The following LRMDA variants were observed in gnomAD, a reference collection of about 807,000 sequenced individuals.
LRMDA encodes the protein leucine-rich melanocyte differentiation-associated protein.
In LRMDA, 18 loss-of-function variants were observed where a neutral mutation model predicts 29.8. The observed-to-expected ratio is 0.60, with a 90% CI of 0.42 to 0.90. The LOEUF (loss-of-function observed/expected upper bound fraction) is 0.90, where lower values mean the gene tolerates loss of function less well. LRMDA is among the 40% of genes least tolerant of loss of function. The pLI is 0.00. For missense variants in LRMDA, 273 were observed against 273.9 expected, an observed-to-expected ratio of 1.00 and a Z score of 0.02; for synonymous variants, 125 against 109.4, an observed-to-expected ratio of 1.14 and a Z score of -0.89.
intron 5 of LRMDA, among the ~76,000 whole-genome samples, chr10:76,205,728 CAG>C (rs1203781829): frequency 1.3e-5 from 2 of 152,114 alleles, no homozygotes; most frequent in African/African-American, 2.4e-5. Flanking sequence ...CTCTAGATGG[CAG>C]AGAGTGGTGT....
intron 5 of LRMDA, among the ~76,000 whole-genome samples, chr10:76,095,430 T>C (rs1849298099): frequency 6.6e-6 from 1 of 152,232 alleles, no homozygotes; most frequent in Non-Finnish European, 1.5e-5. Flanking sequence ...AAGCTGCTAT[T>C]AACATTTGCA....
chr10:75,921,860 G>T (rs565613499), intron 2 of LRMDA, among the ~76,000 whole-genome samples: 1 of 152,150 alleles, frequency 6.6e-6, no homozygotes, highest in Admixed American at 6.5e-5. Context: ...ATCCTTCCTG[G>T]CATTTAATAT....
chr10:76,047,256 C>A lies in LRMDA; in HGVS notation c.351C>A (p.Asn117Lys), dbSNP rs878854351. ...LSLLGNVACP[N>K]ELVSLEKDEE... ...TGCTGGGCAACGTGGCCTGTCCCAA[C>A]GAGCTGGTCAGCTTGGAAAAGGATG... is the stretch of plus-strand genomic sequence containing the variant. Residue 117 changes from asparagine to lysine, a missense_variant, in exon 4 of 7, where the codon AAC becomes AAA. By Grantham distance (94) the Asn-to-Lys change is moderately conservative (BLOSUM62 0). Transcript: ENST00000611255. 1 of 1,613,898 alleles carries A rather than the reference C, an allele frequency of 6.2e-7. No homozygotes were observed. The highest frequency in any genetic ancestry group is 1.3e-5 in the African/African-American group (1 of 74,998).
chr10:76,192,880 G>A (rs1199510524), intron 5 of LRMDA, among the ~76,000 whole-genome samples: 2 of 152,164 alleles, frequency 1.3e-5, no homozygotes, highest in African/African-American at 4.8e-5. Context: ...GTGTTGTGAA[G>A]TTAAATTGAA....
intron 2 of LRMDA, among the ~76,000 whole-genome samples, chr10:75,725,619 C>T (rs1413842643): frequency 6.6e-6 from 1 of 152,184 alleles, no homozygotes; most frequent in African/African-American, 2.4e-5. Flanking sequence ...AGGTCTCACA[C>T]CTGCTGCTTT....
intron 2 of LRMDA, among the ~76,000 whole-genome samples, chr10:75,867,502 C>T (rs952620020): frequency 3.9e-5 from 6 of 152,092 alleles, no homozygotes; most frequent in Non-Finnish European, 8.8e-5. Flanking sequence ...GTCTTCATTT[C>T]TAGAAGCAAT....
At chr10:76,119,755 G>A (rs1849746048) in intron 5 of LRMDA, among the ~76,000 whole-genome samples, 1 of 152,184 alleles carries the variant, frequency 6.6e-6, no homozygotes, top group Admixed American at 6.5e-5. Context: ...ACATTCCTGA[G>A]GTTCTGGGCT....
chr10:76,190,572 A>G (rs144766320), intron 5 of LRMDA, among the ~76,000 whole-genome samples: 1 of 152,314 alleles, frequency 6.6e-6, no homozygotes, highest in East Asian at 1.9e-4. Context: ...GATTCCTTTC[A>G]GTCCCAGATG....
intron 5 of LRMDA, among the ~76,000 whole-genome samples, chr10:76,238,470 A>ACCCCCCCCCC (rs571091753): frequency 6.9e-6 from 1 of 145,782 alleles, no homozygotes; most frequent in African/African-American, 2.5e-5. Flanking sequence ...AGGAATAAGG[A>ACCCCCCCCCC]CCCCCCCGCC....
intron 2 of LRMDA, among the ~76,000 whole-genome samples, chr10:75,647,220 C>T (rs1841533663): frequency 6.6e-6 from 1 of 152,188 alleles, no homozygotes; most frequent in Admixed American, 6.5e-5. Flanking sequence ...CAAAGTGCAA[C>T]TTTGAGCTGG....
chr10:76,073,749 T>C (rs1276699835), intron 5 of LRMDA, among the ~76,000 whole-genome samples: 1 of 152,176 alleles, frequency 6.6e-6, no homozygotes, highest in Non-Finnish European at 1.5e-5. Flanking sequence ...CTAGAGGGAA[T>C]GTAGGTCAAA....
At chr10:76,488,182 CT>C (rs771275067) in intron 6 of LRMDA, among the ~76,000 whole-genome samples, 2 of 151,662 alleles carry the variant, frequency 1.3e-5, no homozygotes, top group African/African-American at 2.4e-5. Flanking sequence ...ATCTGTTTTT[CT>C]TTTCCTTTTC....
At chr10:75,660,613 A>G (rs1841740105) in intron 2 of LRMDA, among the ~76,000 whole-genome samples, 1 of 152,202 alleles carries the variant, frequency 6.6e-6, no homozygotes, top group African/African-American at 2.4e-5. Flanking sequence ...CAGCCACTTT[A>G]CAAGCAAACT....
chr10:75,842,831 C>T (rs1302958769), intron 2 of LRMDA, among the ~76,000 whole-genome samples: 1 of 151,182 alleles, frequency 6.6e-6, no homozygotes, highest in East Asian at 1.9e-4. Flanking sequence ...AGCTGGAGTC[C>T]AGTAACACAG....
chr10:76,148,395 G>T (rs1286017369), intron 5 of LRMDA, among the ~76,000 whole-genome samples: 1 of 152,058 alleles, frequency 6.6e-6, no homozygotes, highest in African/African-American at 2.4e-5. Flanking sequence ...GCAATGGCGG[G>T]AACCCCTCCC....
At chr10:75,697,397 C>G (rs980047621) in intron 2 of LRMDA, among the ~76,000 whole-genome samples, 24 of 151,004 alleles carry the variant, frequency 1.6e-4, no homozygotes, top group Non-Finnish European at 3.1e-4. Context: ...GGTTTTTAGA[C>G]AGAGACAGAA....
chr10:76,392,289 T>G (rs1841731870), intron 6 of LRMDA, among the ~76,000 whole-genome samples: 1 of 152,192 alleles, frequency 6.6e-6, no homozygotes, highest in Non-Finnish European at 1.5e-5. Flanking sequence ...TTGTTCTATC[T>G]GCTGGCTCTC....
chr10:75,481,029 A>T (rs1365284178), intron 2 of LRMDA, among the ~76,000 whole-genome samples: 1 of 151,960 alleles, frequency 6.6e-6, no homozygotes, highest in African/African-American at 2.4e-5. Flanking sequence ...GATGGAGGGG[A>T]TGAGGGGCAG....
rs575934048 is a variant in LRMDA, at chr10:75,752,190, G to C, written c.132-283818G>C. 9.9e-5 allele frequency among the ~76,000 whole-genome samples: 15 copies of C among 150,826 alleles called. No homozygotes were observed. The South Asian group carries it at 1.9e-3, about 19-fold the overall frequency. Reference sequence around the variant, plus strand: ...CAAATGAGATTGGCTTCTATTATGGGAGTGATATAACGTGTCTCTTTTTTT... The same window carrying C: ...CAAATGAGATTGGCTTCTATTATGGCAGTGATATAACGTGTCTCTTTTTTT... On this transcript the variant is annotated intron_variant, in intron 2 of 6. Coordinates refer to ENST00000611255, the MANE Select transcript of LRMDA (RefSeq NM_001305581.2).
Sources: allele counts gnomAD v4.1 joint callset (sites outside exome capture counted in the v4.1 genomes callset), GRCh38; gene constraint gnomAD v4.1.1; transcripts MANE v1.5; gene names NCBI Gene and HGNC (gene_info 2026-07-23, HGNC 2026-07-21).